The following NDOR1 variants were observed in gnomAD, a reference collection of about 807,000 sequenced individuals.
NDOR1 encodes NADPH-dependent diflavin oxidoreductase 1.
A neutral mutation model predicts 67.2 loss-of-function variants in NDOR1; 61 were observed. That is an observed-to-expected ratio of 0.91 (90% CI 0.74 to 1.12). The LOEUF is 1.12. Ranked by LOEUF, NDOR1 falls within the 50% of genes most tolerant of loss-of-function variation. The pLI, the probability that NDOR1 is intolerant of heterozygous loss-of-function variation, is 0.00. For missense variants in NDOR1, 878 were observed against 802.8 expected, an observed-to-expected ratio of 1.09 and a Z score of -1.13; for synonymous variants, 378 against 343.7, an observed-to-expected ratio of 1.10 and a Z score of -1.10.
Position 137,215,113 on chromosome 9 carries a change from C to T in NDOR1, c.1084C>T (p.His362Tyr). The T allele has an allele frequency of 6.2e-7, 1 of 1,613,816 alleles. No homozygotes were observed. Among genetic ancestry groups the T allele is most frequent in the East Asian group, 2.2e-5 (1 of 44,882 alleles). ...TILEVLCDFP[H>Y]TAAAIPPDYL... is the part of the protein sequence containing the mutation. Reference sequence around the variant, plus strand: ...TGCCTAGGTGCTCTGTGACTTCCCGCACACAGCTGCCGCCATCCCTCCCGA... The same window carrying T: ...TGCCTAGGTGCTCTGTGACTTCCCGTACACAGCTGCCGCCATCCCTCCCGA... Residue 362 changes from histidine to tyrosine, a missense_variant, in exon 9 of 14, where the codon CAC becomes TAC. Coordinates refer to ENST00000684003, the MANE Select transcript of NDOR1 (RefSeq NM_014434.4).
chr9:137,215,974 A>AG lies in NDOR1; in HGVS notation c.1512dup (p.Arg505AlafsTer147), dbSNP rs747974463. 1 of 1,613,380 alleles carries AG rather than the reference A, an allele frequency of 6.2e-7. No homozygotes were observed. Among genetic ancestry groups the AG allele is most frequent in the South Asian group, 1.1e-5 (1 of 91,088 alleles). On this transcript the variant is annotated frameshift_variant, in exon 12 of 14. Coordinates refer to ENST00000684003, the MANE Select transcript of NDOR1 (RefSeq NM_014434.4). LOFTEE classifies it high-confidence loss of function. ...GAGGCTGAGTGGCAGGAGCTGGAGAAGCGGGACTGTCTGACCCTCATCCCT... is the reference window on the plus strand; with the variant it reads ...GAGGCTGAGTGGCAGGAGCTGGAGAAGGCGGGACTGTCTGACCCTCATCCCT...
chr9:137,218,196 T>G lies in NDOR1; in HGVS notation c.*1780T>G, dbSNP rs961773447. 2.5e-6 allele frequency: 1 copy of G among 398,456 alleles called. No individual in the cohort carries two copies. Among genetic ancestry groups the G allele is most frequent in the South Asian group, 1.3e-4 (1 of 7,874 alleles). The allele number at this position is 398,456 out of a possible 1,614,324, so 24.7% of individuals were successfully genotyped here. A position where few individuals can be genotyped will look rare whatever the true frequency, so the allele number is the denominator to read the frequency against. On this transcript the variant is annotated 3_prime_UTR_variant, in exon 14 of 14. Coordinates refer to ENST00000684003, the MANE Select transcript of NDOR1 (RefSeq NM_014434.4). ...CTGGGCTCGGCCTCCAGTGCCGACC[T>G]GGGCCGGGTGCGCTGCCCGCTGTGC...
chr9:137,206,074 C>A (rs1439345319), intron 1 of NDOR1, among the ~76,000 whole-genome samples, 158 bp from the exon 2 acceptor site: 1 of 152,220 alleles, frequency 6.6e-6, no homozygotes, highest in Admixed American at 6.5e-5. Flanking sequence ...CAGTTTAGCA[C>A]CTGGAGGAGG....
chr9:137,216,530 C>G lies in NDOR1; in HGVS notation c.*114C>G. The G allele has an allele frequency of 2.2e-6, 3 of 1,366,068 alleles. No individual in the cohort carries two copies. The highest frequency in any genetic ancestry group is 2.9e-6 in the Non-Finnish European group (3 of 1,024,256). The allele number at this position is 1,366,068 out of a possible 1,614,324, so 84.6% of individuals were successfully genotyped here. On this transcript the variant is annotated 3_prime_UTR_variant, in exon 14 of 14. Transcript: ENST00000684003. ...CATCCTCTCGGACCAGCCAGCTGGT[C>G]CTCTGGGAACAGCCAGCTCCCGAGC...
chr9:137,212,850 C>G lies in NDOR1; in HGVS notation c.311+251C>G, dbSNP rs1835330575. On this transcript the variant is annotated intron_variant, in intron 3 of 13. Transcript: ENST00000684003. The surrounding 1 kb of genome is among the most constrained non-coding windows in gnomAD (Gnocchi z 4.3). ...GCCACGCTGACGTCACACAGGCCTACCTGGCGCCGGTCCCCACTTTTACAA... is the reference window on the plus strand; with the variant it reads ...GCCACGCTGACGTCACACAGGCCTAGCTGGCGCCGGTCCCCACTTTTACAA... The G allele has an allele frequency of 2.0e-6, 1 of 507,366 alleles. No homozygotes were observed. The highest frequency in any genetic ancestry group is 1.9e-5 in the African/African-American group (1 of 52,100). The allele number at this position is 507,366 out of a possible 1,614,324, so 31.4% of individuals were successfully genotyped here. A position where few individuals can be genotyped will look rare whatever the true frequency, so the allele number is the denominator to read the frequency against.
chr9:137,208,232 G>A (rs1458583272), intron 2 of NDOR1, among the ~76,000 whole-genome samples: 2 of 149,528 alleles, frequency 1.3e-5, no homozygotes, highest in African/African-American at 2.5e-5. Context: ...GGCAGATCAC[G>A]AGGTCAGGAG....
chr9:137,212,705 C>T lies in NDOR1; in HGVS notation c.311+106C>T, dbSNP rs1835322799. On this transcript the variant is annotated intron_variant, in intron 3 of 13. Transcript: ENST00000684003. This position sits in a 1 kb window ranked among gnomAD's most constrained non-coding sequence, Gnocchi z 4.3. ...AGCTTCCAGGGTCGGCCCCTGCGCG[C>T]CTCAGGGCCCTCGCAGTGGTACTGG... 1 of 1,003,124 alleles carries T rather than the reference C, an allele frequency of 1.0e-6. No homozygotes were observed. Among genetic ancestry groups the T allele is most frequent in the Non-Finnish European group, 1.6e-6 (1 of 642,088 alleles). The allele number at this position is 1,003,124 out of a possible 1,614,324, so 62.1% of individuals were successfully genotyped here. A position where few individuals can be genotyped will look rare whatever the true frequency, so the allele number is the denominator to read the frequency against.
intron 3 of NDOR1, among the ~76,000 whole-genome samples, chr9:137,213,543 C>T (rs1835363260): frequency 6.6e-6 from 1 of 152,170 alleles, no homozygotes; most frequent in African/African-American, 2.4e-5. Flanking sequence ...TCATTCTCTG[C>T]GAGCAGAGGA....
At chr9:137,210,713 GAC>G (rs1368286547) in intron 2 of NDOR1, among the ~76,000 whole-genome samples, 2 of 151,984 alleles carry the variant, frequency 1.3e-5, no homozygotes, top group African/African-American at 4.8e-5. Flanking sequence ...TGGGCGTGGT[GAC>G]ACACACCTGT....
chr9:137,213,794 C>T lies in NDOR1; in HGVS notation c.326C>T (p.Ala109Val), dbSNP rs1835379245. Residue 109 changes from alanine (A) to valine (V), a missense_variant, in exon 4 of 14, where the codon GCC (alanine) becomes GTC (valine). Coordinates refer to ENST00000684003, the MANE Select transcript of NDOR1 (RefSeq NM_014434.4). Reference protein sequence around the residue: ...DSSYAKFNFVAKKLHRRLLQL... With the variant: ...DSSYAKFNFVVKKLHRRLLQL... Reference sequence around the variant, plus strand: ...TGTCTCCACAGGTTCAACTTCGTGGCCAAGAAGCTGCACCGACGGCTACTG... The same window carrying T: ...TGTCTCCACAGGTTCAACTTCGTGGTCAAGAAGCTGCACCGACGGCTACTG... 6.2e-7 allele frequency: 1 copy of T among 1,612,664 alleles called. No individual in the cohort carries two copies. Among genetic ancestry groups the T allele is most frequent in the Non-Finnish European group, 8.5e-7 (1 of 1,179,618 alleles).
rs932790845 is a variant in NDOR1, at chr9:137,214,069, G to A, written c.512+1G>A. 7 of 1,538,262 alleles carry A rather than the reference G, an allele frequency of 4.6e-6. No individual in the cohort carries two copies. The highest frequency in any genetic ancestry group is 2.0e-5 in the Admixed American group (1 of 50,814). ...TCACTGAGATCCCTCCCGGAGTCCCGTGAGTGTGGGCCCCGGGTCACCCAC... is the reference window on the plus strand; with the variant it reads ...TCACTGAGATCCCTCCCGGAGTCCCATGAGTGTGGGCCCCGGGTCACCCAC... On this transcript the variant is annotated splice_donor_variant, in intron 5 of 13. Coordinates refer to ENST00000684003, the MANE Select transcript of NDOR1 (RefSeq NM_014434.4). LOFTEE classifies it high-confidence loss of function.
At chr9:137,207,816 A>C (rs1436924931) in intron 2 of NDOR1, among the ~76,000 whole-genome samples, 1 of 152,218 alleles carries the variant, frequency 6.6e-6, no homozygotes, top group Non-Finnish European at 1.5e-5. Context: ...GAGATCAGCA[A>C]CTGAGAGAGT....
At chr9:137,206,163 G>C in intron 1 of NDOR1, 69 bp from the exon 2 acceptor site, 1 of 1,587,024 alleles carries the variant, frequency 6.3e-7, no homozygotes, top group South Asian at 1.1e-5. Flanking sequence ...GGAGAAGGGG[G>C]TCAAGTTTTG....
chr9:137,216,071 C>G (rs767836380), intron 12 of NDOR1, 23 bp from the exon 13 acceptor site: 2 of 1,613,474 alleles, frequency 1.2e-6, no homozygotes, highest in Admixed American at 3.3e-5. Context: ...GCTCAGCCCC[C>G]AGCCCTGTTC....
In NDOR1 at chr9:137,212,800, C is replaced by T. The variant is rs1319571363; in HGVS notation, c.311+201C>T. ...CGGGGAGGGCACAGAGGGGAGCAGG[C>T]AGGGTGGCAAAGGGCTGGGCTCCAG... On this transcript the variant is annotated intron_variant, in intron 3 of 13. Coordinates refer to ENST00000684003, the MANE Select transcript of NDOR1 (RefSeq NM_014434.4). This position sits in a 1 kb window ranked among gnomAD's most constrained non-coding sequence, Gnocchi z 4.3. The T allele has an allele frequency of 3.5e-6, 2 of 575,528 alleles. No individual in the cohort carries two copies. Among genetic ancestry groups the T allele is most frequent in the South Asian group, 2.1e-5 (1 of 48,146 alleles). 35.7% of individuals were successfully genotyped at this position (575,528 alleles called of 1,614,324 possible). A position where few individuals can be genotyped will look rare whatever the true frequency, so the allele number is the denominator to read the frequency against.
At chr9:137,213,175 C>G (rs529446904) in intron 3 of NDOR1, among the ~76,000 whole-genome samples, 1 of 152,328 alleles carries the variant, frequency 6.6e-6, no homozygotes, top group South Asian at 2.1e-4. Context: ...GACAGCTCCC[C>G]CCGGTTCTGC....
At position 137,214,911 on chromosome 9, in the gene NDOR1, C is replaced by T. The variant is rs1450419529; in HGVS notation, c.958C>T (p.Leu320=). The T allele has an allele frequency of 6.2e-7, 1 of 1,613,060 alleles. No homozygotes were observed. The highest frequency in any genetic ancestry group is 8.5e-7 in the Non-Finnish European group (1 of 1,180,038). The part of the protein sequence containing the change: ...RRSFFELLAC[L]SLHELEREKL... ...CTCCTTCTTCGAACTCCTGGCCTGTCTATCCCTCCATGAGCTGGAGCGGGA... is the reference window on the plus strand; with the variant it reads ...CTCCTTCTTCGAACTCCTGGCCTGTTTATCCCTCCATGAGCTGGAGCGGGA... Residue 320 remains leucine (L), a synonymous_variant, in exon 8 of 14, where the codon CTA becomes TTA. Coordinates refer to ENST00000684003, the MANE Select transcript of NDOR1 (RefSeq NM_014434.4).
rs758793303 is a variant in NDOR1, at chr9:137,214,996, G to A, written c.1043G>A (p.Arg348Gln). 1.1e-5 allele frequency: 17 copies of A among 1,613,032 alleles called. No individual in the cohort carries two copies. Among genetic ancestry groups the A allele is most frequent in the Middle Eastern group, 1.6e-4 (1 of 6,080 alleles). The change falls in exon 8 of 14, where the codon CGG becomes CAG. Residue 348 changes from arginine (R) to glutamine (Q), a missense_variant. By Grantham distance (43) the Arg-to-Gln change is conservative (BLOSUM62 1). Coordinates refer to ENST00000684003, the MANE Select transcript of NDOR1 (RefSeq NM_014434.4). ...GQEELFEYCN[R>Q]PRRTILEVLC... ...GAGGAGCTCTTTGAATACTGCAACC[G>A]GCCCCGCAGGACCATCCTGGAGGTG...
In NDOR1 at chr9:137,218,889, GTC is replaced by G. The variant is rs1044503935; in HGVS notation, c.*2475_*2476del. Reference sequence around the variant, plus strand: ...TGGAGGAGGCCAGCCCAGCAGGAAAGTCTGTGAGCAGGACCCCATTCACCCTG... The same window carrying G: ...TGGAGGAGGCCAGCCCAGCAGGAAAGTGTGAGCAGGACCCCATTCACCCTG... On this transcript the variant is annotated 3_prime_UTR_variant, in exon 14 of 14. Transcript: ENST00000684003. 1 of 363,810 alleles carries G rather than the reference GTC, an allele frequency of 2.7e-6. No homozygotes were observed. The highest frequency in any genetic ancestry group is 4.9e-6 in the Non-Finnish European group (1 of 204,356). The allele number at this position is 363,810 out of a possible 1,614,324, so 22.5% of individuals were successfully genotyped here.
Sources: gnomAD v4.1 joint callset for allele counts (sites outside exome capture counted in the v4.1 genomes callset) on GRCh38, gnomAD v4.1.1 for gene constraint, Gnocchi (gnomAD v3.1) non-coding constraint, MANE v1.5 for transcripts, NCBI Gene and HGNC (gene_info 2026-07-23, HGNC 2026-07-21) for gene names.